Variants in CHD9 observed in about 807,000 individuals in gnomAD.
CHD9 encodes chromodomain helicase DNA binding protein 9, also known as ATP-dependent chromatin remodeler CHD9.
A neutral mutation model predicts 316.1 loss-of-function variants in CHD9; 77 were observed. The ratio of observed to expected loss-of-function variants is 0.24; its 90% confidence interval spans 0.20 to 0.29. The LOEUF (loss-of-function observed/expected upper bound fraction) is 0.29. Among genes scored for constraint, CHD9 ranks in the 10% least tolerant of loss-of-function variants. The pLI is 1.00. For synonymous variants in CHD9, 1,129 were observed against 1,158.3 expected (o/e 0.97, Z 0.51); for missense variants, 2,763 against 3,438.1 (o/e 0.80, Z 4.91).
At chr16:53,095,650 C>T (rs984531791) in intron 1 of CHD9, among the ~76,000 whole-genome samples, 14 of 152,180 alleles carry the variant, frequency 9.2e-5, no homozygotes, top group Non-Finnish European at 2.1e-4. Context: ...AAAACTCACC[C>T]ATAGCGTAGC....
intron 34 of CHD9, chr16:53,311,510 A>G (rs1259374220): frequency 6.6e-6 from 1 of 152,204 alleles, no homozygotes; most frequent in Non-Finnish European, 1.5e-5. Context: ...GTACTCATAG[A>G]TTTTAGAATT....
intron 1 of CHD9, among the ~76,000 whole-genome samples, chr16:53,148,810 T>C (rs973163451): frequency 1.3e-5 from 2 of 152,226 alleles, no homozygotes; most frequent in Non-Finnish European, 2.9e-5. Flanking sequence ...TATCTTCTGC[T>C]ACCTTTGGGT....
intron 33 of CHD9, 81 bp from the exon 34 acceptor site, chr16:53,308,605 T>G: frequency 1.0e-6 from 1 of 954,720 alleles, no homozygotes; most frequent in Non-Finnish European, 1.6e-6. Flanking sequence ...TTTTTTTTCC[T>G]CAGTAAAAAA....
At chr16:53,211,878 C>T (rs796330824) in intron 3 of CHD9, among the ~76,000 whole-genome samples, 4 of 152,232 alleles carry the variant, frequency 2.6e-5, no homozygotes, top group African/African-American at 9.6e-5. Context: ...AGCCACTATA[C>T]TTTGTAATTT....
At chr16:53,188,015 A>C (rs78542270) in intron 2 of CHD9, among the ~76,000 whole-genome samples, 1 of 152,190 alleles carries the variant, frequency 6.6e-6, no homozygotes, top group African/African-American at 2.4e-5. Flanking sequence ...TATTCCTAAC[A>C]CCCTAACCCT....
chr16:53,095,259 A>G (rs2036278791), intron 1 of CHD9, among the ~76,000 whole-genome samples: 2 of 152,236 alleles, frequency 1.3e-5, no homozygotes, highest in Admixed American at 6.5e-5. Context: ...GTAAAGGAAT[A>G]TCCTGGCTAG....
intron 2 of CHD9, among the ~76,000 whole-genome samples, chr16:53,168,330 T>C (rs1033934787): frequency 2.0e-5 from 3 of 152,192 alleles, no homozygotes; most frequent in Admixed American, 2.0e-4. Flanking sequence ...CCCAAAGTGC[T>C]GAGATTACAG....
chr16:53,137,953 A>G (rs572519569), intron 1 of CHD9, among the ~76,000 whole-genome samples: 3 of 152,304 alleles, frequency 2.0e-5, no homozygotes, highest in Non-Finnish European at 2.9e-5. Flanking sequence ...ATAGAGAATA[A>G]GAGAACTTTT....
chr16:53,191,063 A>T (rs1365022215), intron 2 of CHD9, among the ~76,000 whole-genome samples: 1 of 152,124 alleles, frequency 6.6e-6, no homozygotes, highest in East Asian at 1.9e-4. Flanking sequence ...ATGTTTTTAT[A>T]ACCCTAAAAA....
At chr16:53,146,437 A>ATATAT (rs58622741) in intron 1 of CHD9, among the ~76,000 whole-genome samples, 5 of 129,720 alleles carry the variant, frequency 3.9e-5, no homozygotes, top group African/African-American at 6.2e-5. Context: ...ATATATATAT[A>ATATAT]ATTAAAAAGT....
At chr16:53,181,969 A>G (rs183648465) in intron 2 of CHD9, among the ~76,000 whole-genome samples, 2 of 152,170 alleles carry the variant, frequency 1.3e-5, no homozygotes, top group Non-Finnish European at 2.9e-5. Flanking sequence ...AATCCCAGCT[A>G]TCGGGAGGCT....
At chr16:53,253,408 A>AT (rs2050294135) in intron 17 of CHD9, among the ~76,000 whole-genome samples, 1 of 152,198 alleles carries the variant, frequency 6.6e-6, no homozygotes, top group African/African-American at 2.4e-5. Flanking sequence ...ACACAAAGGC[A>AT]TAAGAATGGT....
intron 2 of CHD9, among the ~76,000 whole-genome samples, chr16:53,204,077 A>G (rs1341162141): frequency 2.1e-5 from 3 of 146,106 alleles, no homozygotes; most frequent in Non-Finnish European, 4.5e-5. Flanking sequence ...ACACACACAC[A>G]CACACACACA....
chr16:53,064,034 G>A (rs1475846157), intron 1 of CHD9, among the ~76,000 whole-genome samples: 1 of 150,100 alleles, frequency 6.7e-6, no homozygotes, highest in Non-Finnish European at 1.5e-5. Context: ...AGGTCTGGCT[G>A]TGTTGCCCAG....
intron 27 of CHD9, among the ~76,000 whole-genome samples, chr16:53,288,642 G>A (rs1480342204): frequency 3.3e-5 from 5 of 152,314 alleles, no homozygotes; most frequent in African/African-American, 1.2e-4. Context: ...GAGGGCATGA[G>A]ACAAGGCTTG....
chr16:53,295,030 G>A (rs879138168), intron 29 of CHD9, among the ~76,000 whole-genome samples: 1 of 151,998 alleles, frequency 6.6e-6, no homozygotes, highest in South Asian at 2.1e-4. Context: ...TCATACCCTA[G>A]CCTATATTGT....
Position 53,326,550 on chromosome 16 carries a change from T to G in CHD9, c.*1655T>G, listed in dbSNP as rs1191493798. 6.6e-6 allele frequency: 1 copy of G among 152,444 alleles called. No individual in the cohort carries two copies. The highest frequency in any genetic ancestry group is 2.4e-5 in the African/African-American group (1 of 41,440). 9.4% of individuals were successfully genotyped at this position (152,444 alleles called of 1,614,324 possible). On this transcript the variant is annotated 3_prime_UTR_variant, in exon 39 of 39. Coordinates refer to ENST00000447540, the MANE Select transcript of CHD9 (RefSeq NM_001308319.2). Reference sequence around the variant, plus strand: ...ATTTACAAAATTATATAAGTTCCATTGGGATTGTATTGATTTTGTATTTTC... The same window carrying G: ...ATTTACAAAATTATATAAGTTCCATGGGGATTGTATTGATTTTGTATTTTC...
rs1294416140 is a variant in CHD9 at position 53,055,001 on chromosome 16, CGCAGCG to C, written c.-240_-235del. The stretch of plus-strand genomic sequence containing the variant: ...TGCGCTCTAGTGGGCGCTTCACAGG[CGCAGCG>C]ACAGCGACAGCGACAGCTCGAACCT... On this transcript the variant is annotated 5_prime_UTR_variant, in exon 1 of 39. Transcript: ENST00000447540. The C allele has an allele frequency of 1.3e-5, 2 of 152,366 alleles. No individual in the cohort carries two copies. The highest frequency in any genetic ancestry group is 1.3e-4 in the Admixed American group (2 of 15,312). The allele number at this position is 152,366 out of a possible 1,614,324, so 9.4% of individuals were successfully genotyped here.
At position 53,327,181 on chromosome 16, in the gene CHD9, A is replaced by G. The variant is rs774254356; in HGVS notation, c.*2286A>G. 3 of 152,584 alleles carry G rather than the reference A, an allele frequency of 2.0e-5. No homozygotes were observed. The highest frequency in any genetic ancestry group is 4.4e-5 in the Non-Finnish European group (3 of 67,976). The allele number at this position is 152,584 out of a possible 1,614,324, so 9.5% of individuals were successfully genotyped here. On this transcript the variant is annotated 3_prime_UTR_variant, in exon 39 of 39. Coordinates refer to ENST00000447540, the MANE Select transcript of CHD9 (RefSeq NM_001308319.2). ...TAAGGGTTATAAGGAAAAAAAAATCAGTAGAATTACATAATACTAAAGTTG... is the reference window on the plus strand; with the variant it reads ...TAAGGGTTATAAGGAAAAAAAAATCGGTAGAATTACATAATACTAAAGTTG...
Sources: allele counts gnomAD v4.1 joint callset (sites outside exome capture counted in the v4.1 genomes callset), GRCh38; gene constraint gnomAD v4.1.1; transcripts MANE v1.5; gene names NCBI Gene and HGNC (gene_info 2026-07-23, HGNC 2026-07-21).